KCNH1: variants seen among roughly 807,000 people sequenced by gnomAD.
The protein encoded by KCNH1 is potassium voltage-gated channel subfamily H member 1.
KCNH1 carries 27 observed loss-of-function variants against 69.2 expected under a neutral mutation model. The ratio of observed to expected loss-of-function variants is 0.39; its 90% CI spans 0.29 to 0.54. The LOEUF is 0.54. KCNH1 is among the 20% of genes least tolerant of loss of function. The pLI is 0.68. For synonymous variants in KCNH1, 456 were observed against 487.7 expected (o/e 0.93, Z 0.86); for missense variants, 798 against 1,261.6 (o/e 0.63, Z 5.57).
chr1:211,125,054 A>C (rs563176508), intron 1 of KCNH1, among the ~76,000 whole-genome samples: 5 of 152,346 alleles, frequency 3.3e-5, no homozygotes, highest in African/African-American at 1.2e-4. Flanking sequence ...TTAAGTCTCT[A>C]ACCCTACCCA....
At chr1:210,894,082 C>T (rs1686807774) in intron 7 of KCNH1, among the ~76,000 whole-genome samples, 1 of 152,178 alleles carries the variant, frequency 6.6e-6, no homozygotes, top group African/African-American at 2.4e-5. Flanking sequence ...TTTTTCTCCT[C>T]ATCATGTACT....
chr1:211,078,380 C>T (rs1299700175), intron 5 of KCNH1, among the ~76,000 whole-genome samples: 1 of 152,146 alleles, frequency 6.6e-6, no homozygotes, highest in Non-Finnish European at 1.5e-5. Flanking sequence ...TAAAGCACTC[C>T]TCAGCAAATG....
At chr1:211,071,073 A>C (rs1690633828) in intron 5 of KCNH1, among the ~76,000 whole-genome samples, 1 of 152,222 alleles carries the variant, frequency 6.6e-6, no homozygotes, top group African/African-American at 2.4e-5. Flanking sequence ...TCTTACAACA[A>C]AGCTACAGAA....
At chr1:210,958,695 T>A (rs1688232322) in intron 6 of KCNH1, among the ~76,000 whole-genome samples, 1 of 152,252 alleles carries the variant, frequency 6.6e-6, no homozygotes, top group Admixed American at 6.5e-5. Flanking sequence ...TTCCACTTGA[T>A]CAAATTGGCT....
At chr1:210,718,689 CACAT>C (rs1293283007) in intron 10 of KCNH1, among the ~76,000 whole-genome samples, 7 of 86,864 alleles carry the variant, frequency 8.1e-5, no homozygotes, top group Non-Finnish European at 1.5e-4. Context: ...CACACACACA[CACAT>C]ATATATATAC....
At position 211,003,662 on chromosome 1, in the gene KCNH1, G is replaced by T. The variant is rs144691322; in HGVS notation, c.1032+15121C>A. On this transcript the variant is annotated intron_variant, in intron 6 of 10. Coordinates refer to ENST00000271751, the MANE Select transcript of KCNH1 (RefSeq NM_172362.3). ...GATGAAAGAGAAGGAGGAAGAGGAG[G>T]AGAAAGGAAGAAAGAGAATAAATCT... 1.8e-4 allele frequency among the ~76,000 whole-genome samples: 28 copies of T among 152,234 alleles called. No individual in the cohort carries two copies. The East Asian group carries it at 4.4e-3, about 24-fold the overall frequency.
intron 10 of KCNH1, among the ~76,000 whole-genome samples, chr1:210,746,416 C>T (rs1683160088): frequency 6.6e-6 from 1 of 152,126 alleles, no homozygotes; most frequent in African/African-American, 2.4e-5. Context: ...TAAATGGTAC[C>T]TGTAGAATGT....
At chr1:210,707,372 C>T (rs1037536515) in intron 10 of KCNH1, among the ~76,000 whole-genome samples, 1 of 152,086 alleles carries the variant, frequency 6.6e-6, no homozygotes, top group African/African-American at 2.4e-5. Flanking sequence ...ATAAGGCAGG[C>T]GGGCATTTAC....
chr1:210,799,230 A>G (rs1225511375), intron 8 of KCNH1, among the ~76,000 whole-genome samples: 9 of 152,340 alleles, frequency 5.9e-5, no homozygotes, highest in Non-Finnish European at 1.5e-5. Context: ...TGCTATTATT[A>G]TATCATTTTA....
At position 211,099,487 on chromosome 1, in the gene KCNH1, C is replaced by A. The variant is rs950218754; in HGVS notation, c.310+4009G>T. Among the ~76,000 whole-genome samples, 30 of 152,154 alleles carry A rather than the reference C, an allele frequency of 2.0e-4. 1 individual carries two copies. The South Asian group carries it at 5.6e-3, about 28-fold the overall frequency. Reference sequence around the variant, plus strand: ...CTGAATGTTTTACTCTATTGAACAGCGAAGTTTGAAAGTAGAAGCAAACTC... The same window carrying A: ...CTGAATGTTTTACTCTATTGAACAGAGAAGTTTGAAAGTAGAAGCAAACTC... On this transcript the variant is annotated intron_variant, in intron 3 of 10. Coordinates refer to ENST00000271751, the MANE Select transcript of KCNH1 (RefSeq NM_172362.3).
chr1:210,948,053 A>T (rs1297404750), intron 6 of KCNH1, among the ~76,000 whole-genome samples: 1 of 151,210 alleles, frequency 6.6e-6, no homozygotes, highest in African/African-American at 2.4e-5. Context: ...ATTAAAAAAA[A>T]AAAAAAGGAA....
At chr1:211,027,724 G>A (rs112363808) in intron 5 of KCNH1, among the ~76,000 whole-genome samples, 29 of 151,846 alleles carry the variant, frequency 1.9e-4, no homozygotes, top group African/African-American at 6.3e-4. Context: ...GAACAATAGA[G>A]ACAGAAAGGC....
intron 7 of KCNH1, among the ~76,000 whole-genome samples, chr1:210,809,718 T>G (rs890145941): frequency 6.6e-6 from 1 of 152,156 alleles, no homozygotes; most frequent in Non-Finnish European, 1.5e-5. Flanking sequence ...AGTTCAGCTG[T>G]TTTGTGAAAA....
intron 7 of KCNH1, among the ~76,000 whole-genome samples, chr1:210,840,269 A>C (rs1367639078): frequency 6.6e-6 from 1 of 152,076 alleles, no homozygotes; most frequent in Non-Finnish European, 1.5e-5. Flanking sequence ...AACATGCTAG[A>C]TCTAAAACAA....
At chr1:210,697,099 G>T (rs1409743483) in intron 10 of KCNH1, among the ~76,000 whole-genome samples, 2 of 152,214 alleles carry the variant, frequency 1.3e-5, no homozygotes, top group Non-Finnish European at 2.9e-5. Flanking sequence ...GTCAGTGGGT[G>T]ACCAGAACCC....
intron 5 of KCNH1, among the ~76,000 whole-genome samples, chr1:211,024,710 A>G (rs990665439): frequency 1.1e-4 from 17 of 152,178 alleles, no homozygotes; most frequent in Non-Finnish European, 4.4e-5. Flanking sequence ...TTATAAACAG[A>G]GAAAAAGATG....
intron 6 of KCNH1, among the ~76,000 whole-genome samples, chr1:210,939,032 C>T (rs1687831197): frequency 1.3e-5 from 2 of 152,248 alleles, no homozygotes; most frequent in African/African-American, 4.8e-5. Flanking sequence ...TAAGACTCAA[C>T]ACTAACAATT....
chr1:211,126,067 G>A (rs1691771220), intron 1 of KCNH1, among the ~76,000 whole-genome samples: 1 of 152,198 alleles, frequency 6.6e-6, no homozygotes, highest in African/African-American at 2.4e-5. Flanking sequence ...GATCTGTTCA[G>A]CAAGACCACA....
chr1:210,814,954 G>A (rs1387479121), intron 7 of KCNH1, among the ~76,000 whole-genome samples: 1 of 152,150 alleles, frequency 6.6e-6, no homozygotes, highest in African/African-American at 2.4e-5. Flanking sequence ...TTCAGTGGAT[G>A]CATTCAATTT....
Sources: gnomAD v4.1 joint callset for allele counts (sites outside exome capture counted in the v4.1 genomes callset) on GRCh38, gnomAD v4.1.1 for gene constraint, MANE v1.5 for transcripts, NCBI Gene and HGNC (gene_info 2026-07-23, HGNC 2026-07-21) for gene names.